IDO2: variants seen among roughly 807,000 people sequenced by gnomAD.
IDO2 encodes indoleamine 2,3-dioxygenase 2, also known as indoleamine 2,3-dioxygenase-like 1 protein.
A neutral mutation model predicts 45.1 loss-of-function variants in IDO2; 46 were observed. The observed-to-expected ratio is 1.02, with a 90% CI of 0.80 to 1.30. IDO2 has a LOEUF of 1.30. Ranked by LOEUF, IDO2 falls within the 50% of genes most tolerant of loss-of-function variation. The pLI, the probability that IDO2 is intolerant of heterozygous loss-of-function variation, is 0.00. For missense variants in IDO2, 544 were observed against 491.8 expected (o/e 1.11, Z -1.00); for synonymous variants, 218 against 184.9 (o/e 1.18, Z -1.45).
At chr8:39,996,015 TATGTC>T (rs1390252633) in intron 8 of IDO2, among the ~76,000 whole-genome samples, 1 of 151,060 alleles carries the variant, frequency 6.6e-6, no homozygotes, top group Non-Finnish European at 1.5e-5. Flanking sequence ...AGATCTGAGA[TATGTC>T]ATGCTTATTT....
intron 9 of IDO2, 144 bp from the exon 10 acceptor site, chr8:40,013,421 C>T (rs2129595622): frequency 1.4e-6 from 1 of 738,144 alleles, no homozygotes; most frequent in Non-Finnish European, 2.2e-6. Context: ...CAGTACTTAC[C>T]CTACAAAGAT....
At chr8:39,944,473 A>G (rs2129593114) in intron 1 of IDO2, among the ~76,000 whole-genome samples, 1 of 152,268 alleles carries the variant, frequency 6.6e-6, no homozygotes, top group Admixed American at 6.5e-5. Context: ...AGAGAGCCAG[A>G]CAGACTCCAT....
At chr8:39,954,255 G>C (rs562566882) in intron 2 of IDO2, among the ~76,000 whole-genome samples, 35 of 152,290 alleles carry the variant, frequency 2.3e-4, no homozygotes, top group Non-Finnish European at 4.9e-4. Flanking sequence ...GGTTTGGGCA[G>C]ATGCTCTGAG....
At chr8:40,010,198 A>G (rs1162862249) in intron 9 of IDO2, among the ~76,000 whole-genome samples, 1 of 152,214 alleles carries the variant, frequency 6.6e-6, no homozygotes, top group African/African-American at 2.4e-5. Context: ...GTGGTCCAAG[A>G]GTGCCACAGC....
intron 3 of IDO2, among the ~76,000 whole-genome samples, chr8:39,974,610 C>A (rs1394448554): frequency 6.6e-6 from 1 of 151,990 alleles, no homozygotes; most frequent in Non-Finnish European, 1.5e-5. Context: ...TGGTGAAACT[C>A]CATCTCTACT....
chr8:39,940,812 G>A (rs1016823299), intron 1 of IDO2, among the ~76,000 whole-genome samples: 3 of 151,416 alleles, frequency 2.0e-5, no homozygotes, highest in Non-Finnish European at 2.9e-5. Flanking sequence ...TCACTGTTTC[G>A]GTGATGGAGA....
rs537551813 is a variant in IDO2 at position 39,978,957 on chromosome 8, C to T, written c.196-110C>T. The T allele has an allele frequency of 3.1e-6, 3 of 971,008 alleles. No individual in the cohort carries two copies. The African/African-American group carries it at 4.8e-5, about 16-fold the overall frequency. 60.1% of individuals were successfully genotyped at this position (971,008 alleles called of 1,614,324 possible). On this transcript the variant is annotated intron_variant, in intron 3 of 10. Coordinates refer to ENST00000502986, the Ensembl canonical transcript of IDO2. ...TTTGTACCTTCATTAAAATATAACC[C>T]ATTGCCTTCCACCCAAAGGTCCCTT...
At chr8:39,995,694 A>G (rs1302940880) in intron 8 of IDO2, among the ~76,000 whole-genome samples, 3 of 152,220 alleles carry the variant, frequency 2.0e-5, no homozygotes, top group African/African-American at 7.2e-5. Flanking sequence ...ATCATTCTTC[A>G]TTAGTTTGTA....
At chr8:39,945,164 T>C (rs1316822057) in intron 1 of IDO2, among the ~76,000 whole-genome samples, 1 of 152,274 alleles carries the variant, frequency 6.6e-6, no homozygotes, top group Non-Finnish European at 1.5e-5. Flanking sequence ...TGCTACAGTC[T>C]GGGAAGCATT....
chr8:40,006,822 G>T (rs956799647), intron 9 of IDO2, among the ~76,000 whole-genome samples: 11 of 151,904 alleles, frequency 7.2e-5, no homozygotes, highest in Non-Finnish European at 1.2e-4. Context: ...CACCAAGCCT[G>T]GCTAATTCTT....
At chr8:39,957,359 T>G (rs2729487) in intron 2 of IDO2, among the ~76,000 whole-genome samples, 1 of 151,766 alleles carries the variant, frequency 6.6e-6, no homozygotes, top group Non-Finnish European at 1.5e-5. Context: ...CACCTATAAT[T>G]CCAGCATTTT....
At chr8:39,986,865 C>CATTATTATTATTTATTATTATT (rs1808433231) in intron 6 of IDO2, 1 of 144,082 alleles carries the variant, frequency 6.9e-6, no homozygotes, top group Admixed American at 7.1e-5. Flanking sequence ...CACAATATCT[C>CATTATTATTATTTATTATTATT]ATTATTATTA....
chr8:39,951,722 G>A (rs1364442963), intron 2 of IDO2, among the ~76,000 whole-genome samples: 1 of 152,174 alleles, frequency 6.6e-6, no homozygotes, highest in Non-Finnish European at 1.5e-5. Flanking sequence ...ACCCAATTCA[G>A]GAATATCCTG....
At chr8:40,004,525 T>TGATAGATGATAGATA (rs1554549463) in intron 8 of IDO2, among the ~76,000 whole-genome samples, 102 of 144,516 alleles carry the variant, frequency 7.1e-4, no homozygotes, top group Non-Finnish European at 3.4e-4. Context: ...GACAGACAGA[T>TGATAGATGATAGATA]GATAGATAGA....
intron 9 of IDO2, among the ~76,000 whole-genome samples, chr8:40,008,903 GA>G (rs1166725610): frequency 6.6e-6 from 1 of 151,692 alleles, no homozygotes; most frequent in Admixed American, 6.6e-5. Context: ...AGTGTAGATG[GA>G]CAAAAATATC....
chr8:39,980,966 G>A (rs1808340491), intron 4 of IDO2, among the ~76,000 whole-genome samples: 1 of 151,850 alleles, frequency 6.6e-6, no homozygotes, highest in Admixed American at 6.6e-5. Context: ...TGGCCAGGCT[G>A]ATCTCGAACT....
At chr8:39,960,186 T>G (rs1219563206) in intron 2 of IDO2, among the ~76,000 whole-genome samples, 1 of 152,202 alleles carries the variant, frequency 6.6e-6, no homozygotes, top group East Asian at 1.9e-4. Flanking sequence ...GTCATTTCTA[T>G]GTTTAGGTTG....
chr8:39,948,245 TA>T (rs1278674758), intron 1 of IDO2, among the ~76,000 whole-genome samples: 1 of 152,254 alleles, frequency 6.6e-6, no homozygotes, highest in Non-Finnish European at 1.5e-5. Context: ...TGTTGTTTCT[TA>T]AAATAAATCA....
At chr8:39,944,489 C>T (rs974543378) in intron 1 of IDO2, among the ~76,000 whole-genome samples, 1 of 152,188 alleles carries the variant, frequency 6.6e-6, no homozygotes, top group Non-Finnish European at 1.5e-5. Flanking sequence ...TCCATCTTGG[C>T]TCTTTCACTG....
Sources: allele counts gnomAD v4.1 joint callset (sites outside exome capture counted in the v4.1 genomes callset), GRCh38; gene constraint gnomAD v4.1.1; transcripts MANE v1.5; gene names NCBI Gene and HGNC (gene_info 2026-07-23, HGNC 2026-07-21).